The following AARS1 variants were observed in gnomAD, a reference collection of about 807,000 sequenced individuals.
AARS1 encodes alanine--tRNA ligase, cytoplasmic.
Under a neutral mutation model 108.9 loss-of-function variants are expected in AARS1, and 72 were observed. The observed-to-expected ratio is 0.66, with a 90% confidence interval of 0.55 to 0.80. The LOEUF (loss-of-function observed/expected upper bound fraction) is 0.80. Among genes scored for constraint, AARS1 ranks in the 30% least tolerant of loss-of-function variants. The pLI, the probability that AARS1 is intolerant of heterozygous loss-of-function variation, is 0.00. For missense variants in AARS1, 1,193 were observed against 1,233.2 expected (o/e 0.97, Z 0.49); for synonymous variants, 489 against 465.7 (o/e 1.05, Z -0.64).
chr16:70,274,751 G>A (rs911397131), intron 4 of AARS1, among the ~76,000 whole-genome samples: 1 of 149,050 alleles, frequency 6.7e-6, no homozygotes, highest in Non-Finnish European at 1.5e-5. Context: ...TGGAGTGGGG[G>A]TGGGGAAGGA....
At chr16:70,268,402 C>T (rs774714493) in intron 7 of AARS1, 23 bp from the exon 8 acceptor site, 1 of 1,602,110 alleles carries the variant, frequency 6.2e-7, no homozygotes, top group Non-Finnish European at 8.6e-7. Context: ...AAAACTAGTC[C>T]CCAACGTTCC....
chr16:70,258,344 G>A (rs1960045474), intron 14 of AARS1, 127 bp from the exon 15 acceptor site: 4 of 972,600 alleles, frequency 4.1e-6, no homozygotes, highest in Non-Finnish European at 6.3e-6. Context: ...CACGTGCCAT[G>A]AGCTTCCTCA....
chr16:70,254,497 G>A (rs1338424767), intron 17 of AARS1, 124 bp downstream of exon 17: 2 of 740,352 alleles, frequency 2.7e-6, no homozygotes, highest in East Asian at 5.4e-5. Flanking sequence ...CAGGACAACA[G>A]AAGTCAGCCC....
At position 70,264,194 on chromosome 16, in the gene AARS1, C is replaced by T. The variant is rs143060254; in HGVS notation, c.1492+764G>A. 7.6e-3 allele frequency among the ~76,000 whole-genome samples: 1,138 copies of T among 149,596 alleles called. 14 individuals are homozygous for T. The highest frequency in any genetic ancestry group is 0.025 in the African/African-American group (1,020 of 40,834). ...CCAGGAGGTGGAGGTTGCAGTGAGC[C>T]GAGATCACACTATTGCACTCCAGCC... On this transcript the variant is annotated intron_variant, in intron 11 of 20. Coordinates refer to ENST00000261772, the MANE Select transcript of AARS1 (RefSeq NM_001605.3).
In AARS1 at chr16:70,258,223, A is replaced by G; in HGVS notation, c.1993-6T>C. 6.3e-7 allele frequency: 1 copy of G among 1,580,946 alleles called. No individual in the cohort carries two copies. Among genetic ancestry groups the G allele is most frequent in the Non-Finnish European group, 8.6e-7 (1 of 1,162,490 alleles). On this transcript the variant is annotated splice_polypyrimidine_tract_variant and splice_region_variant and intron_variant, in intron 14 of 20. Transcript: ENST00000261772. Reference sequence around the variant, plus strand: ...CAATCCTGGGTATAGACGGCCTGCCAGACCAAGAAGACAGAAAAGAGCTGG... The same window carrying G: ...CAATCCTGGGTATAGACGGCCTGCCGGACCAAGAAGACAGAAAAGAGCTGG...
Position 70,254,820 on chromosome 16 carries a change from C to T in AARS1, c.2287-86G>A, listed in dbSNP as rs964494078. The T allele has an allele frequency of 2.4e-5, 22 of 899,066 alleles. 1 individual carries two copies. Among genetic ancestry groups the T allele is most frequent in the Admixed American group, 5.8e-5 (3 of 51,648 alleles). 55.7% of individuals were successfully genotyped at this position (899,066 alleles called of 1,614,324 possible). ...GTCTGAGCAGCTGCGGAAGCCCCGG[C>T]GGTAGGCCTTGCAGCAACATACCCC... On this transcript the variant is annotated intron_variant, in intron 16 of 20. Coordinates refer to ENST00000261772, the MANE Select transcript of AARS1 (RefSeq NM_001605.3).
chr16:70,276,204 G>A (rs886204340), intron 4 of AARS1: 2 of 201,456 alleles, frequency 9.9e-6, no homozygotes, highest in African/African-American at 4.7e-5. Context: ...GACAGAGCAA[G>A]CTCTGTCTCA....
rs182391556 is a variant in AARS1, at chr16:70,256,636, C to T, written c.2178-800G>A. On this transcript the variant is annotated intron_variant, in intron 15 of 20. Transcript: ENST00000261772. ...GTTTTTGAAAGCTGTTTCCTGTAGT[C>T]TAAAGGGTATGAGCAAACAGGTAAT... Among the ~76,000 whole-genome samples the T allele has an allele frequency of 2.6e-4, 39 of 152,270 alleles. 1 individual carries two copies. The highest frequency in any genetic ancestry group is 9.1e-4 in the African/African-American group (38 of 41,554).
At chr16:70,286,548 ATTT>A (rs1325626828) in intron 1 of AARS1, among the ~76,000 whole-genome samples, 2 of 152,120 alleles carry the variant, frequency 1.3e-5, no homozygotes, top group African/African-American at 2.4e-5. Flanking sequence ...TTTAAAAAAA[ATTT>A]TTGAGGCCGG....
intron 15 of AARS1, among the ~76,000 whole-genome samples, chr16:70,256,690 C>T (rs1440225430): frequency 6.6e-6 from 1 of 152,154 alleles, no homozygotes; most frequent in Non-Finnish European, 1.5e-5. Context: ...TTTGAAGGCC[C>T]AATTCAGCTG....
At position 70,289,408 on chromosome 16, in the gene AARS1, G is replaced by C. The variant is rs574001991; in HGVS notation, c.-22+13C>G. On this transcript the variant is annotated intron_variant, in intron 1 of 20. Coordinates refer to ENST00000261772, the MANE Select transcript of AARS1 (RefSeq NM_001605.3). The stretch of plus-strand genomic sequence containing the variant: ...CTCTCCTAGCACCGCAGAGCTCTCC[G>C]AGGGCGGCCTACCTCTCCTAGGGTC... The C allele has an allele frequency of 7.9e-6, 3 of 381,882 alleles. No homozygotes were observed. The highest frequency in any genetic ancestry group is 7.3e-5 in the East Asian group (1 of 13,786). 23.7% of individuals were successfully genotyped at this position (381,882 alleles called of 1,614,324 possible). A position where few individuals can be genotyped will look rare whatever the true frequency, so the allele number is the denominator to read the frequency against.
chr16:70,253,178 A>T, intron 20 of AARS1, 90 bp downstream of exon 20: 1 of 1,144,848 alleles, frequency 8.7e-7, no homozygotes, highest in Non-Finnish European at 1.3e-6. Context: ...GTGGGCAGAA[A>T]GGCTGTTTCG....
intron 5 of AARS1, among the ~76,000 whole-genome samples, chr16:70,270,884 C>G (rs551247562): frequency 7.3e-6 from 1 of 137,150 alleles, no homozygotes; most frequent in Non-Finnish European, 1.5e-5. Flanking sequence ...CATGGTGGCT[C>G]ACGCCTGTAA....
At chr16:70,256,549 C>T (rs1190928419) in intron 15 of AARS1, among the ~76,000 whole-genome samples, 1 of 152,188 alleles carries the variant, frequency 6.6e-6, no homozygotes, top group African/African-American at 2.4e-5. Context: ...ATCTGCCTGC[C>T]TCAGCCTCCC....
Position 70,259,204 on chromosome 16 carries a change from G to T in AARS1, c.1786-18C>A. 2 of 1,610,746 alleles carry T rather than the reference G, an allele frequency of 1.2e-6. No individual in the cohort carries two copies. The highest frequency in any genetic ancestry group is 1.3e-5 in the African/African-American group (1 of 74,992). Reference sequence around the variant, plus strand: ...CGTCGGGGCTGGAAAGGGCAGAGGGGCTCATGGAGAGGTCTGTAATAGACT... The same window carrying T: ...CGTCGGGGCTGGAAAGGGCAGAGGGTCTCATGGAGAGGTCTGTAATAGACT... On this transcript the variant is annotated intron_variant, in intron 13 of 20. Coordinates refer to ENST00000261772, the MANE Select transcript of AARS1 (RefSeq NM_001605.3).
intron 2 of AARS1, among the ~76,000 whole-genome samples, chr16:70,278,341 G>A (rs1255971277): frequency 3.9e-5 from 6 of 151,932 alleles, no homozygotes; most frequent in African/African-American, 7.2e-5. Flanking sequence ...TGAGGTGGGC[G>A]GATCACCTGA....
Position 70,258,038 on chromosome 16 carries a change from C to G in AARS1, c.2172G>C (p.Gly724=). ...AGSLTSVEFC[G]GTHLRNSSHA... is the part of the protein sequence containing the mutation. Reference sequence around the variant, plus strand: ...TGCCCCTCTGCAGTACTCACGTTCCCCCACAGAACTCAACAGAAGTCAGGG... The same window carrying G: ...TGCCCCTCTGCAGTACTCACGTTCCGCCACAGAACTCAACAGAAGTCAGGG... The change falls in exon 15 of 21, where the codon GGG becomes GGC. Residue 724 remains glycine (G), a synonymous_variant. Coordinates refer to ENST00000261772, the MANE Select transcript of AARS1 (RefSeq NM_001605.3). 1 of 1,614,100 alleles carries G rather than the reference C, an allele frequency of 6.2e-7. No individual in the cohort carries two copies. Among genetic ancestry groups the G allele is most frequent in the Non-Finnish European group, 8.5e-7 (1 of 1,180,006 alleles).
chr16:70,289,494 G>A lies in AARS1; in HGVS notation c.-95C>T, dbSNP rs1172190420. ...AGGGCCCGCTGCACCTATTCCCGCA[G>A]ACGCGCAGCTGTACCGGCCTCAGAC... is the stretch of plus-strand genomic sequence containing the variant. On this transcript the variant is annotated 5_prime_UTR_variant, in exon 1 of 21. Transcript: ENST00000261772. 19 of 446,280 alleles carry A rather than the reference G, an allele frequency of 4.3e-5. No individual in the cohort carries two copies. The highest frequency in any genetic ancestry group is 7.7e-5 in the Non-Finnish European group (17 of 221,130). The allele number at this position is 446,280 out of a possible 1,614,324, so 27.6% of individuals were successfully genotyped here.
At chr16:70,287,367 GCAGCGAGCC>G (rs144686589) in intron 1 of AARS1, among the ~76,000 whole-genome samples, 10,575 of 151,200 alleles carry the variant, frequency 0.07, 1,264 homozygotes, top group African/African-American at 0.24. Flanking sequence ...GGCGGTGGCT[GCAGCGAGCC>G]GAGATCATGC....
Sources: gnomAD v4.1 joint callset for allele counts (sites outside exome capture counted in the v4.1 genomes callset) on GRCh38, gnomAD v4.1.1 for gene constraint, MANE v1.5 for transcripts, NCBI Gene and HGNC (gene_info 2026-07-23, HGNC 2026-07-21) for gene names.